PTPN22: variants seen among roughly 807,000 people sequenced by gnomAD.
The protein encoded by PTPN22 is tyrosine-protein phosphatase non-receptor type 22.
Under a neutral mutation model 103.3 loss-of-function variants are expected in PTPN22, and 85 were observed. The ratio of observed to expected loss-of-function variants is 0.82; its 90% confidence interval spans 0.69 to 0.99. The LOEUF is 0.99. Among genes scored for constraint, PTPN22 ranks in the 50% least tolerant of loss-of-function variants. The pLI is 0.00. For missense variants in PTPN22, 865 were observed against 936.9 expected (o/e 0.92, Z 1.00); for synonymous variants, 323 against 310.2 (o/e 1.04, Z -0.43).
chr1:113,856,612 C>T lies in PTPN22; in HGVS notation c.416G>A (p.Cys139Tyr), dbSNP rs750615659. 3.5e-5 allele frequency: 56 copies of T among 1,614,076 alleles called. No homozygotes were observed. The highest frequency in any genetic ancestry group is 8.9e-5 in the East Asian group (4 of 44,892). ...TCCTGGCTCAGCCCAGTAGCGCTCACACTTTTTCTGTTGCACAAAGCAGAA... is the reference window on the plus strand; with the variant it reads ...TCCTGGCTCAGCCCAGTAGCGCTCATACTTTTTCTGTTGCACAAAGCAGAA... Residue 139 changes from cysteine to tyrosine, a missense_variant, in exon 6 of 21, where the codon TGT becomes TAT. Cys to Tyr is a radical substitution (Grantham distance 194). Coordinates refer to ENST00000359785, the Ensembl canonical transcript of PTPN22.
At chr1:113,865,650 A>T (rs1001847939) in intron 1 of PTPN22, among the ~76,000 whole-genome samples, 1 of 152,220 alleles carries the variant, frequency 6.6e-6, no homozygotes, top group African/African-American at 2.4e-5. Context: ...ATACTTAACC[A>T]ATTAGATGCT....
chr1:113,845,645 T>C (rs1663995368), intron 11 of PTPN22, among the ~76,000 whole-genome samples: 2 of 152,208 alleles, frequency 1.3e-5, no homozygotes, highest in African/African-American at 4.8e-5. Context: ...GTCAACTAGA[T>C]TTTGTCAGTT....
At chr1:113,861,856 G>A (rs1665637941) in intron 1 of PTPN22, among the ~76,000 whole-genome samples, 1 of 152,118 alleles carries the variant, frequency 6.6e-6, no homozygotes, top group Non-Finnish European at 1.5e-5. Context: ...CATGGGGATG[G>A]GTTTAAGTTT....
intron 11 of PTPN22, among the ~76,000 whole-genome samples, chr1:113,848,178 A>G (rs1664259328): frequency 6.6e-6 from 1 of 151,372 alleles, no homozygotes; most frequent in Non-Finnish European, 1.5e-5. Context: ...CCTCTGGAGT[A>G]GCTGGGACTA....
At chr1:113,842,825 G>A (rs1218971562) in intron 11 of PTPN22, among the ~76,000 whole-genome samples, 3 of 151,756 alleles carry the variant, frequency 2.0e-5, no homozygotes, top group Non-Finnish European at 4.4e-5. Context: ...TAAACGGCCG[G>A]GCGCGGTGGC....
intron 5 of PTPN22, among the ~76,000 whole-genome samples, chr1:113,857,359 C>T (rs1008374850): frequency 6.6e-6 from 1 of 151,984 alleles, no homozygotes; most frequent in African/African-American, 2.4e-5. Flanking sequence ...AATTGAGTTC[C>T]CCAGTCACAT....
At chr1:113,814,765 C>T in exon 21 of PTPN22, 1 of 700,826 alleles carries the variant, frequency 1.4e-6, no homozygotes, top group Non-Finnish European at 2.4e-6. Flanking sequence ...TTTTGCTTTT[C>T]TTTTAAAAGC....
intron 1 of PTPN22, among the ~76,000 whole-genome samples, 162 bp from the exon 2 acceptor site, chr1:113,859,622 A>G (rs1415199765): frequency 6.6e-6 from 1 of 152,202 alleles, no homozygotes; most frequent in African/African-American, 2.4e-5. Flanking sequence ...GCATAAGGAG[A>G]CCTGAGTTCA....
chr1:113,853,894 C>T (rs1223029513), intron 9 of PTPN22, among the ~76,000 whole-genome samples: 1 of 110,584 alleles, frequency 9.0e-6, no homozygotes, highest in Admixed American at 1.3e-4. Context: ...GAGACAGAGT[C>T]TCGCTCTGTC....
chr1:113,840,834 A>C (rs1350725039), intron 11 of PTPN22, among the ~76,000 whole-genome samples: 1 of 152,272 alleles, frequency 6.6e-6, no homozygotes, highest in Non-Finnish European at 1.5e-5. Flanking sequence ...TATGGTGGGC[A>C]ATTGATTTTT....
intron 14 of PTPN22, 43 bp from the exon 15 acceptor site, chr1:113,834,482 C>A (rs373294394): frequency 7.7e-6 from 12 of 1,560,406 alleles, no homozygotes; most frequent in African/African-American, 5.4e-5. Context: ...GAATAGTATT[C>A]TTTTAGACAT....
At chr1:113,863,084 G>C (rs1665759581) in intron 1 of PTPN22, among the ~76,000 whole-genome samples, 1 of 152,026 alleles carries the variant, frequency 6.6e-6, no homozygotes, top group African/African-American at 2.4e-5. Flanking sequence ...AGAAATGTGT[G>C]TGTTGTTGGT....
intron 9 of PTPN22, among the ~76,000 whole-genome samples, chr1:113,852,787 A>G (rs999656930): frequency 1.3e-5 from 2 of 152,230 alleles, no homozygotes; most frequent in African/African-American, 4.8e-5. Flanking sequence ...CATATAAATT[A>G]CAGACTTCCT....
chr1:113,868,861 A>C (rs1666333966), intron 1 of PTPN22, among the ~76,000 whole-genome samples: 1 of 151,492 alleles, frequency 6.6e-6, no homozygotes, highest in Non-Finnish European at 1.5e-5. Flanking sequence ...TACTTTTCTA[A>C]ATGTGTATTA....
intron 7 of PTPN22, 99 bp downstream of exon 7, chr1:113,856,283 C>T: frequency 1.4e-6 from 2 of 1,410,388 alleles, no homozygotes; most frequent in Non-Finnish European, 1.9e-6. Flanking sequence ...GACCCTACCA[C>T]TTCCCATTGT....
At position 113,854,117 on chromosome 1, in the gene PTPN22, C is replaced by T. The variant is rs557628829; in HGVS notation, c.750+354G>A. Reference sequence around the variant, plus strand: ...TCCTGACCTCGTGATCCACCTCCCTCGGCCTCCCAAAGTGCTGGGATTACA... The same window carrying T: ...TCCTGACCTCGTGATCCACCTCCCTTGGCCTCCCAAAGTGCTGGGATTACA... On this transcript the variant is annotated intron_variant, in intron 9 of 20. Transcript: ENST00000359785. Among the ~76,000 whole-genome samples, 466 of 152,200 alleles carry T rather than the reference C, an allele frequency of 3.1e-3. 2 individuals are homozygous for T. Among genetic ancestry groups the T allele is most frequent in the African/African-American group, 0.011 (448 of 41,534 alleles).
Position 113,815,164 on chromosome 1 carries a change from A to G in PTPN22, c.2360-195T>C, listed in dbSNP as rs1243300097. Among the ~76,000 whole-genome samples, 3 of 148,582 alleles carry G rather than the reference A, an allele frequency of 2.0e-5. No homozygotes were observed. The East Asian group carries it at 5.8e-4, about 29-fold the overall frequency. ...AAGCTTAAATGATAACAGAATACTA[A>G]TAACACTTTAAATTTGAAGAGCACT... On this transcript the variant is annotated intron_variant, in intron 20 of 20. Transcript: ENST00000359785.
At chr1:113,859,506 G>A (rs1665384319) in intron 1 of PTPN22, 46 bp from the exon 2 acceptor site, 5 of 1,458,390 alleles carry the variant, frequency 3.4e-6, no homozygotes, top group Non-Finnish European at 4.8e-6. Flanking sequence ...GAGAAATGAG[G>A]TAAGAAGCTA....
intron 15 of PTPN22, among the ~76,000 whole-genome samples, chr1:113,833,531 A>G (rs1411079274): frequency 6.6e-6 from 1 of 152,226 alleles, no homozygotes; most frequent in Non-Finnish European, 1.5e-5. Flanking sequence ...AATAATAATT[A>G]CTAGTACATT....
Sources: allele counts gnomAD v4.1 joint callset (sites outside exome capture counted in the v4.1 genomes callset), GRCh38; gene constraint gnomAD v4.1.1; transcripts MANE v1.5; gene names NCBI Gene and HGNC (gene_info 2026-07-23, HGNC 2026-07-21).